Variants in ZBTB42 observed in about 807,000 individuals in gnomAD.
ZBTB42 encodes zinc finger and BTB domain-containing protein 42.
Under a neutral mutation model 4.7 loss-of-function variants are expected in ZBTB42, and 3 were observed. That is an observed-to-expected ratio of 0.64 (90% CI 0.29 to 1.66). The LOEUF (loss-of-function observed/expected upper bound fraction) is 1.66. Among genes scored for constraint, ZBTB42 ranks in the 40% most tolerant of loss-of-function variants. The probability of loss-of-function intolerance (pLI) is 0.10; values close to 1 mark genes in which losing one functional copy is unlikely to be tolerated. For missense variants in ZBTB42, 521 were observed against 577.1 expected (o/e 0.90, Z 1.00); for synonymous variants, 255 against 259.5 (o/e 0.98, Z 0.17).
At position 104,802,280 on chromosome 14, in the gene ZBTB42, C is replaced by G; in HGVS notation, c.1083C>G (p.Pro361=). The change falls in exon 1 of 1, where the codon CCC becomes CCG. Residue 361 remains proline (P), a synonymous_variant. Transcript: ENST00000342537. The surrounding 1 kb of genome is among the most constrained non-coding windows in gnomAD (Gnocchi z 5.9). Reference sequence around the variant, plus strand: ...AGCGGACACACTCGGGTGAGAAGCCCTATACGTGTGTGCAGTGTGGCAAAA... The same window carrying G: ...AGCGGACACACTCGGGTGAGAAGCCGTATACGTGTGTGCAGTGTGGCAAAA... ...RHERTHSGEK[P]YTCVQCGKSF... is the part of the protein sequence containing the mutation. 6.4e-7 allele frequency: 1 copy of G among 1,550,420 alleles called. No homozygotes were observed. Among genetic ancestry groups the G allele is most frequent in the Non-Finnish European group, 8.7e-7 (1 of 1,146,980 alleles).
In ZBTB42 at chr14:104,801,410, C is replaced by G; in HGVS notation, c.213C>G (p.Val71=). The G allele has an allele frequency of 6.5e-7, 1 of 1,548,160 alleles. No individual in the cohort carries two copies. The highest frequency in any genetic ancestry group is 8.7e-7 in the Non-Finnish European group (1 of 1,145,642). The change falls in exon 1 of 1, where the codon GTC becomes GTG. Residue 71 remains valine (V), a synonymous_variant. Coordinates refer to ENST00000342537, the MANE Select transcript of ZBTB42 (RefSeq NM_001137601.3). The surrounding 1 kb of genome is among the most constrained non-coding windows in gnomAD (Gnocchi z 4.4). ...CGGTGCGGCTCAACGGCGACATCGTCACGGCGCCCGCCTTCGGCCGCCTAC... is the reference window on the plus strand; with the variant it reads ...CGGTGCGGCTCAACGGCGACATCGTGACGGCGCCCGCCTTCGGCCGCCTAC... ...RDTVRLNGDI[V]TAPAFGRLLD... is the part of the protein sequence containing the mutation.
chr14:104,800,592 C>T (rs1894015889), upstream of ZBTB42: 5 of 147,022 alleles, frequency 3.4e-5, no homozygotes, highest in African/African-American at 1.2e-4. This position sits in a 1 kb window ranked among gnomAD's most constrained non-coding sequence, Gnocchi z 5.3. Context: ...TCGCCGTCCC[C>T]GCGCCCTCCC....
At position 104,801,553 on chromosome 14, in the gene ZBTB42, A is replaced by G; in HGVS notation, c.356A>G (p.Gln119Arg). Reference sequence around the variant, plus strand: ...GTCAAGGTCTGCAAGGGCAGGCTCCAGGAGAAGGATCGAAGTCTGGACCCG... The same window carrying G: ...GTCAAGGTCTGCAAGGGCAGGCTCCGGGAGAAGGATCGAAGTCTGGACCCG... The part of the protein sequence containing the change: ...DIVKVCKGRL[Q>R]EKDRSLDPGN... The change falls in exon 1 of 1, where the codon CAG becomes CGG. Residue 119 changes from glutamine to arginine, a missense_variant. Coordinates refer to ENST00000342537, the MANE Select transcript of ZBTB42 (RefSeq NM_001137601.3). The surrounding 1 kb of genome is among the most constrained non-coding windows in gnomAD (Gnocchi z 4.4). 1.3e-6 allele frequency: 2 copies of G among 1,550,130 alleles called. No homozygotes were observed. The highest frequency in any genetic ancestry group is 1.7e-6 in the Non-Finnish European group (2 of 1,146,860).
At position 104,804,104 on chromosome 14, in the gene ZBTB42, C is replaced by A. The variant is rs1408400390; in HGVS notation, c.*1638C>A. On this transcript the variant is annotated 3_prime_UTR_variant, in exon 1 of 1. Transcript: ENST00000342537. ...TGATTGTCCTGGGCCCCAGCCCCCA[C>A]CTCTGCAAGGGATCGGTGTGATGTG... 1 of 166,722 alleles carries A rather than the reference C, an allele frequency of 6.0e-6. No homozygotes were observed. Among genetic ancestry groups the A allele is most frequent in the Admixed American group, 6.5e-5 (1 of 15,282 alleles). 10.3% of individuals were successfully genotyped at this position (166,722 alleles called of 1,614,324 possible). A position where few individuals can be genotyped will look rare whatever the true frequency, so the allele number is the denominator to read the frequency against.
rs1894087131 is a variant in ZBTB42, at chr14:104,803,052, C to T, written c.*586C>T. ...TGAGTGCCAGCAGGGGCCATCTGGG[C>T]ACAGCTGGTGTCTCGGGGTGGGGGG... On this transcript the variant is annotated 3_prime_UTR_variant, in exon 1 of 1. Coordinates refer to ENST00000342537, the MANE Select transcript of ZBTB42 (RefSeq NM_001137601.3). 9.1e-6 allele frequency: 1 copy of T among 109,514 alleles called. No homozygotes were observed. The highest frequency in any genetic ancestry group is 2.0e-5 in the Non-Finnish European group (1 of 49,220). 6.8% of individuals were successfully genotyped at this position (109,514 alleles called of 1,614,324 possible).
chr14:104,801,782 C>A lies in ZBTB42; in HGVS notation c.585C>A (p.Gly195=). 1 of 1,549,410 alleles carries A rather than the reference C, an allele frequency of 6.5e-7. No individual in the cohort carries two copies. Among genetic ancestry groups the A allele is most frequent in the Non-Finnish European group, 8.7e-7 (1 of 1,146,412 alleles). ...DQALDLSLKS[G]PRQERVHPPC... The stretch of plus-strand genomic sequence containing the variant: ...CCCTGGACCTGTCGTTGAAGTCTGG[C>A]CCAAGGCAGGAGCGGGTCCACCCAC... The change falls in exon 1 of 1, where the codon GGC becomes GGA. Residue 195 remains glycine (G), a synonymous_variant. Coordinates refer to ENST00000342537, the MANE Select transcript of ZBTB42 (RefSeq NM_001137601.3). The surrounding 1 kb of genome is among the most constrained non-coding windows in gnomAD (Gnocchi z 4.4).
rs1595272294 is a variant in ZBTB42 at position 104,801,488 on chromosome 14, C to T, written c.291C>T (p.Asp97=). 1 of 1,550,228 alleles carries T rather than the reference C, an allele frequency of 6.5e-7. No individual in the cohort carries two copies. Among genetic ancestry groups the T allele is most frequent in the South Asian group, 1.2e-5 (1 of 84,066 alleles). The change falls in exon 1 of 1, where the codon GAC becomes GAT. Residue 97 remains aspartate (D), a synonymous_variant. Coordinates refer to ENST00000342537, the MANE Select transcript of ZBTB42 (RefSeq NM_001137601.3). This position sits in a 1 kb window ranked among gnomAD's most constrained non-coding sequence, Gnocchi z 4.4. ...RLDLRSLPVE[D]VLAAASYLHM... ...ACCTGCGCAGCCTGCCTGTGGAGGA[C>T]GTCCTGGCAGCCGCCAGCTACCTGC... is the stretch of plus-strand genomic sequence containing the variant.
At position 104,803,031 on chromosome 14, in the gene ZBTB42, TGCCAGCAGGG is replaced by T. The variant is rs1229069811; in HGVS notation, c.*570_*579del. 4.0e-5 allele frequency: 5 copies of T among 125,028 alleles called. No individual in the cohort carries two copies. In the Admixed American group the frequency reaches 5.0e-4, roughly 13 times the overall value. 7.7% of individuals were successfully genotyped at this position (125,028 alleles called of 1,614,324 possible). ...CCAGGAAGGCCTGGGGCACAGTGAG[TGCCAGCAGGG>T]GCCATCTGGGCACAGCTGGTGTCTC... On this transcript the variant is annotated 3_prime_UTR_variant, in exon 1 of 1. Transcript: ENST00000342537.
At position 104,802,082 on chromosome 14, in the gene ZBTB42, C is replaced by T. The variant is rs781189114; in HGVS notation, c.885C>T (p.Ile295=). ...TGGGGCCTGGTGGGCCCCTCTGCAT[C>T]TGCCCGTTGTGCAGCAAGCTGTTTC... The part of the protein sequence containing the change: ...DELGPGGPLC[I]CPLCSKLFPS... Residue 295 remains isoleucine (I), a synonymous_variant, in exon 1 of 1, where the codon ATC becomes ATT. Coordinates refer to ENST00000342537, the MANE Select transcript of ZBTB42 (RefSeq NM_001137601.3). This position sits in a 1 kb window ranked among gnomAD's most constrained non-coding sequence, Gnocchi z 5.9. 2.6e-6 allele frequency: 4 copies of T among 1,513,296 alleles called. No individual in the cohort carries two copies. Among genetic ancestry groups the T allele is most frequent in the Non-Finnish European group, 2.7e-6 (3 of 1,130,938 alleles). 93.7% of individuals were successfully genotyped at this position (1,513,296 alleles called of 1,614,324 possible).
In ZBTB42 at chr14:104,802,811, C is replaced by T. The variant is rs901088091; in HGVS notation, c.*345C>T. On this transcript the variant is annotated 3_prime_UTR_variant, in exon 1 of 1. Transcript: ENST00000342537. The surrounding 1 kb of genome is among the most constrained non-coding windows in gnomAD (Gnocchi z 5.9). ...AGCACCTGGCTCTGCCCCCGTTTCT[C>T]CGTGTGAGATGGCACATCCATCTCC... 2.8e-6 allele frequency: 1 copy of T among 359,134 alleles called. No individual in the cohort carries two copies. The highest frequency in any genetic ancestry group is 5.3e-6 in the Non-Finnish European group (1 of 186,952). The allele number at this position is 359,134 out of a possible 1,614,324, so 22.2% of individuals were successfully genotyped here.
In ZBTB42 at chr14:104,802,109, C is replaced by G; in HGVS notation, c.912C>G (p.Pro304=). 6.5e-7 allele frequency: 1 copy of G among 1,527,280 alleles called. No homozygotes were observed. Among genetic ancestry groups the G allele is most frequent in the Non-Finnish European group, 8.8e-7 (1 of 1,136,950 alleles). 94.6% of individuals were successfully genotyped at this position (1,527,280 alleles called of 1,614,324 possible). The change falls in exon 1 of 1, where the codon CCC becomes CCG. Residue 304 remains proline (P), a synonymous_variant. Transcript: ENST00000342537. This position sits in a 1 kb window ranked among gnomAD's most constrained non-coding sequence, Gnocchi z 5.9. The stretch of plus-strand genomic sequence containing the variant: ...GCCCGTTGTGCAGCAAGCTGTTTCC[C>G]AGCTCCCACGTGCTGCAGCTGCACC... The part of the protein sequence containing the change: ...CICPLCSKLF[P]SSHVLQLHLS...
Position 104,801,121 on chromosome 14 carries a change from C to G in ZBTB42, c.-77C>G. 5 of 1,376,068 alleles carry G rather than the reference C, an allele frequency of 3.6e-6. No individual in the cohort carries two copies. The highest frequency in any genetic ancestry group is 2.2e-4 in the Middle Eastern group (1 of 4,462). 85.2% of individuals were successfully genotyped at this position (1,376,068 alleles called of 1,614,324 possible). On this transcript the variant is annotated 5_prime_UTR_variant, in exon 1 of 1. Transcript: ENST00000342537. This position sits in a 1 kb window ranked among gnomAD's most constrained non-coding sequence, Gnocchi z 4.4. The stretch of plus-strand genomic sequence containing the variant: ...CCGCTCTTTCCGCGCTGCCTGCAGC[C>G]GGGAAGGGCGCTTCGTGGGCGCCTC...
Position 104,801,573 on chromosome 14 carries a change from G to A in ZBTB42, c.376G>A (p.Asp126Asn). Residue 126 changes from aspartate to asparagine, a missense_variant, in exon 1 of 1, where the codon GAC (aspartate) becomes AAC (asparagine). By Grantham distance (23) the Asp-to-Asn change is conservative. Coordinates refer to ENST00000342537, the MANE Select transcript of ZBTB42 (RefSeq NM_001137601.3). This position sits in a 1 kb window ranked among gnomAD's most constrained non-coding sequence, Gnocchi z 4.4. ...GRLQEKDRSLDPGNPAPGAEP... is the reference protein window; with the variant it reads ...GRLQEKDRSLNPGNPAPGAEP... ...GCTCCAGGAGAAGGATCGAAGTCTG[G>A]ACCCGGGGAACCCTGCCCCTGGGGC... The A allele has an allele frequency of 6.5e-7, 1 of 1,549,858 alleles. No individual in the cohort carries two copies. Among genetic ancestry groups the A allele is most frequent in the Non-Finnish European group, 8.7e-7 (1 of 1,146,640 alleles).
rs193244604 is a variant in ZBTB42 at position 104,803,147 on chromosome 14, C to T, written c.*681C>T. On this transcript the variant is annotated 3_prime_UTR_variant, in exon 1 of 1. Coordinates refer to ENST00000342537, the MANE Select transcript of ZBTB42 (RefSeq NM_001137601.3). The stretch of plus-strand genomic sequence containing the variant: ...CCAGCTAGAAGCTGAGTGGCTGTGG[C>T]ATCATTGTCACTCGGGTGGGACGTG... 2,664 of 167,024 alleles carry T rather than the reference C, an allele frequency of 0.016. 26 individuals are homozygous for T. The highest frequency in any genetic ancestry group is 0.027 in the Middle Eastern group (8 of 298). The allele number at this position is 167,024 out of a possible 1,614,324, so 10.3% of individuals were successfully genotyped here.
At chr14:104,800,982 C>T, upstream of ZBTB42, 1 of 496,258 alleles carries the variant, frequency 2.0e-6, no homozygotes, top group Non-Finnish European at 3.3e-6. The surrounding 1 kb of genome is among the most constrained non-coding windows in gnomAD (Gnocchi z 5.3). Flanking sequence ...GCCTGAGTCC[C>T]GGGACCCGCC....
chr14:104,801,274 G>C lies in ZBTB42; in HGVS notation c.77G>C (p.Cys26Ser). 6.5e-7 allele frequency: 1 copy of C among 1,537,596 alleles called. No homozygotes were observed. Among genetic ancestry groups the C allele is most frequent in the Non-Finnish European group, 8.7e-7 (1 of 1,143,264 alleles). ...QQRELGFLCDCTVLVGDARFP... is the reference protein window; with the variant it reads ...QQRELGFLCDSTVLVGDARFP... ...CGCGAGCTGGGCTTCCTATGCGACTGCACCGTGCTGGTGGGCGACGCGCGC... is the reference window on the plus strand; with the variant it reads ...CGCGAGCTGGGCTTCCTATGCGACTCCACCGTGCTGGTGGGCGACGCGCGC... The change falls in exon 1 of 1, where the codon TGC becomes TCC. Residue 26 changes from cysteine to serine, a missense_variant. Coordinates refer to ENST00000342537, the MANE Select transcript of ZBTB42 (RefSeq NM_001137601.3). This position sits in a 1 kb window ranked among gnomAD's most constrained non-coding sequence, Gnocchi z 4.4.
rs1230992366 is a variant in ZBTB42, at chr14:104,801,548, G to A, written c.351G>A (p.Arg117=). ...MYDIVKVCKG[R]LQEKDRSLDP... ...ACATCGTCAAGGTCTGCAAGGGCAG[G>A]CTCCAGGAGAAGGATCGAAGTCTGG... The change falls in exon 1 of 1, where the codon AGG becomes AGA. Residue 117 remains arginine, a synonymous_variant. Coordinates refer to ENST00000342537, the MANE Select transcript of ZBTB42 (RefSeq NM_001137601.3). This position sits in a 1 kb window ranked among gnomAD's most constrained non-coding sequence, Gnocchi z 4.4. 1 of 1,550,150 alleles carries A rather than the reference G, an allele frequency of 6.5e-7. No homozygotes were observed. Among genetic ancestry groups the A allele is most frequent in the African/African-American group, 1.4e-5 (1 of 73,182 alleles).
rs1894114404 is a variant in ZBTB42, at chr14:104,804,020, G to A, written c.*1554G>A. Reference sequence around the variant, plus strand: ...CCCAGCGCTTCTGGGTGATGCCCCAGGGCTCAGAGGCCCTGGATGGCTTTG... The same window carrying A: ...CCCAGCGCTTCTGGGTGATGCCCCAAGGCTCAGAGGCCCTGGATGGCTTTG... On this transcript the variant is annotated 3_prime_UTR_variant, in exon 1 of 1. Coordinates refer to ENST00000342537, the MANE Select transcript of ZBTB42 (RefSeq NM_001137601.3). 6.0e-6 allele frequency: 1 copy of A among 166,764 alleles called. No homozygotes were observed. The highest frequency in any genetic ancestry group is 6.5e-5 in the Admixed American group (1 of 15,288). 10.3% of individuals were successfully genotyped at this position (166,764 alleles called of 1,614,324 possible).
Position 104,801,122 on chromosome 14 carries a change from G to A in ZBTB42, c.-76G>A. On this transcript the variant is annotated 5_prime_UTR_variant, in exon 1 of 1. Transcript: ENST00000342537. This position sits in a 1 kb window ranked among gnomAD's most constrained non-coding sequence, Gnocchi z 4.4. ...CGCTCTTTCCGCGCTGCCTGCAGCC[G>A]GGAAGGGCGCTTCGTGGGCGCCTCC... 7.3e-7 allele frequency: 1 copy of A among 1,375,120 alleles called. No homozygotes were observed. The highest frequency in any genetic ancestry group is 9.3e-7 in the Non-Finnish European group (1 of 1,070,598). The allele number at this position is 1,375,120 out of a possible 1,614,324, so 85.2% of individuals were successfully genotyped here. A position where few individuals can be genotyped will look rare whatever the true frequency, so the allele number is the denominator to read the frequency against.
Sources: gnomAD v4.1 joint callset for allele counts on GRCh38, gnomAD v4.1.1 for gene constraint, Gnocchi (gnomAD v3.1) non-coding constraint, MANE v1.5 for transcripts, NCBI Gene and HGNC (gene_info 2026-07-23, HGNC 2026-07-21) for gene names.